NRG1: variants seen among roughly 807,000 people sequenced by gnomAD.
NRG1 encodes neuregulin 1.
Under a neutral mutation model 63.8 loss-of-function variants are expected in NRG1, and 18 were observed. That is an observed-to-expected ratio of 0.28 (90% CI 0.19 to 0.42). The LOEUF (loss-of-function observed/expected upper bound fraction) is 0.42. Among genes scored for constraint, NRG1 ranks in the 10% least tolerant of loss-of-function variants. NRG1 has a pLI of 1.00. For synonymous variants in NRG1, 302 were observed against 301.3 expected, an observed-to-expected ratio of 1.00 and a Z score of -0.02; for missense variants, 762 against 814.7, an observed-to-expected ratio of 0.94 and a Z score of 0.79.
intron 1 of NRG1, among the ~76,000 whole-genome samples, chr8:31,805,720 C>T (rs1312744516): frequency 6.8e-6 from 1 of 146,534 alleles, no homozygotes; most frequent in Non-Finnish European, 1.5e-5. Flanking sequence ...CCCAGCCACT[C>T]GGGAGTCTGA....
intron 1 of NRG1, among the ~76,000 whole-genome samples, chr8:32,248,944 T>TGGGAA (rs920240431): frequency 1.3e-5 from 2 of 152,130 alleles, no homozygotes; most frequent in African/African-American, 4.8e-5. Flanking sequence ...ACTTGAATTA[T>TGGGAA]TGTCTCTGAG....
intron 1 of NRG1, among the ~76,000 whole-genome samples, chr8:31,865,539 T>C (rs901640321): frequency 1.3e-5 from 2 of 152,094 alleles, no homozygotes; most frequent in African/African-American, 4.8e-5. Flanking sequence ...AATTTCATCA[T>C]GGGGGGCAGT....
chr8:32,512,998 C>T lies in NRG1; in HGVS notation c.38-82830C>T, dbSNP rs1297561820. 2.6e-5 allele frequency among the ~76,000 whole-genome samples: 4 copies of T among 152,092 alleles called. No individual in the cohort carries two copies. In the South Asian group the frequency reaches 6.2e-4, roughly 24 times the overall value. ...TGTTTTAGTTTTAAGAATATCCAAA[C>T]AAAGACGGATACATGTGAAAACTTG... On this transcript the variant is annotated intron_variant, in intron 1 of 10. Coordinates refer to the NRG1 transcript ENST00000519301.
exon 12 of NRG1, chr8:32,767,216 G>A (rs1831497222): frequency 6.6e-6 from 1 of 152,196 alleles, no homozygotes; most frequent in African/African-American, 2.4e-5. Flanking sequence ...CCTCTGTGTA[G>A]GTGAATGTGT....
chr8:32,435,798 G>A (rs1818715921), intron 1 of NRG1, among the ~76,000 whole-genome samples: 1 of 152,004 alleles, frequency 6.6e-6, no homozygotes, highest in South Asian at 2.1e-4. Flanking sequence ...AATAATTCTG[G>A]ATGTATCTTA....
In NRG1 at chr8:31,693,902, G is replaced by A. The variant is rs554521087; in HGVS notation, c.37+54471G>A. On this transcript the variant is annotated intron_variant, in intron 1 of 10. Transcript: ENST00000519301. The stretch of plus-strand genomic sequence containing the variant: ...GCCCAGGCTGGAGGGCAGTGGCGAG[G>A]TCTTGGCTTATTGTAACCTCCTCCT... Among the ~76,000 whole-genome samples the A allele has an allele frequency of 3.3e-5, 5 of 152,248 alleles. No homozygotes were observed. In the South Asian group the frequency reaches 1.0e-3, roughly 32 times the overall value.
chr8:32,763,278 C>G, intron 11 of NRG1: 2 of 1,613,612 alleles, frequency 1.2e-6, no homozygotes, highest in Non-Finnish European at 1.7e-6. Flanking sequence ...GCATGCAGAT[C>G]CAGCTATCAG....
chr8:32,458,075 G>A (rs1346901953), intron 1 of NRG1, among the ~76,000 whole-genome samples: 4 of 152,000 alleles, frequency 2.6e-5, no homozygotes, highest in South Asian at 2.1e-4. Flanking sequence ...GCACCACCAC[G>A]TCCAGCTAAT....
intron 1 of NRG1, among the ~76,000 whole-genome samples, chr8:32,385,495 G>C (rs565740134): frequency 6.6e-6 from 1 of 152,148 alleles, no homozygotes; most frequent in South Asian, 2.1e-4. Flanking sequence ...AGGCTGTATA[G>C]GAAGTACAGT....
chr8:32,345,796 AC>A (rs1007069886), intron 1 of NRG1, among the ~76,000 whole-genome samples: 5 of 151,780 alleles, frequency 3.3e-5, no homozygotes, highest in African/African-American at 1.2e-4. Context: ...ATAGTGACAA[AC>A]CCTGTCTCTA....
At chr8:32,239,402 T>G (rs553661628) in intron 1 of NRG1, among the ~76,000 whole-genome samples, 1 of 150,378 alleles carries the variant, frequency 6.6e-6, no homozygotes, top group Non-Finnish European at 1.5e-5. Context: ...AAACATAAAA[T>G]GTTAAGCAAT....
intron 5 of NRG1, among the ~76,000 whole-genome samples, chr8:32,681,870 A>G (rs1808732620): frequency 6.6e-6 from 1 of 152,178 alleles, no homozygotes; most frequent in African/African-American, 2.4e-5. Context: ...ATCACAAAAT[A>G]CTTGCCAGGA....
In NRG1 at chr8:32,254,113, C is replaced by G. The variant is rs540491447; in HGVS notation, c.38-341715C>G. On this transcript the variant is annotated intron_variant, in intron 1 of 10. Coordinates refer to the NRG1 transcript ENST00000519301. ...TTTATTAGTCTGGCTAGTGGTCTAT[C>G]TATTTTTTAATCTTTTCAAAAAACC... 2.6e-5 allele frequency among the ~76,000 whole-genome samples: 4 copies of G among 152,156 alleles called. No individual in the cohort carries two copies. In the East Asian group the frequency reaches 7.7e-4, roughly 29 times the overall value.
chr8:31,781,213 G>A (rs1819650860), intron 1 of NRG1, among the ~76,000 whole-genome samples: 1 of 152,076 alleles, frequency 6.6e-6, no homozygotes. Context: ...GATCTGACAT[G>A]GAACATTAAT....
chr8:32,478,095 C>G (rs1013436490), intron 1 of NRG1, among the ~76,000 whole-genome samples: 1 of 152,252 alleles, frequency 6.6e-6, no homozygotes, highest in Non-Finnish European at 1.5e-5. Context: ...AGTGTTGCCA[C>G]TTTGACCCAG....
intron 1 of NRG1, among the ~76,000 whole-genome samples, chr8:31,972,038 C>T (rs1398654594): frequency 2.0e-5 from 3 of 152,172 alleles, no homozygotes; most frequent in Non-Finnish European, 2.9e-5. Flanking sequence ...CTTTCTCGCA[C>T]GCATACACAC....
At chr8:32,378,810 C>T (rs995669898) in intron 1 of NRG1, among the ~76,000 whole-genome samples, 6 of 150,484 alleles carry the variant, frequency 4.0e-5, no homozygotes, top group African/African-American at 1.5e-4. Context: ...TGTTGTTCCC[C>T]TTCCTGTATC....
intron 5 of NRG1, among the ~76,000 whole-genome samples, chr8:32,661,333 CAG>C (rs548017880): frequency 6.0e-4 from 91 of 152,318 alleles, no homozygotes; most frequent in African/African-American, 2.0e-3. Flanking sequence ...TTTACCAAGA[CAG>C]AAATCTACTC....
intron 1 of NRG1, among the ~76,000 whole-genome samples, chr8:31,834,139 C>A (rs967771365): frequency 2.0e-5 from 3 of 152,124 alleles, no homozygotes; most frequent in African/African-American, 7.2e-5. Context: ...AAGTTCTTGG[C>A]AAGTATGTTT....
Sources: allele counts gnomAD v4.1 joint callset (sites outside exome capture counted in the v4.1 genomes callset), GRCh38; gene constraint gnomAD v4.1.1; transcripts MANE v1.5; gene names NCBI Gene and HGNC (gene_info 2026-07-23, HGNC 2026-07-21).